The following RAB11FIP3 variants were observed in gnomAD, a reference collection of about 807,000 sequenced individuals.
The protein encoded by RAB11FIP3 is RAB11 family interacting protein 3, also known as rab11 family-interacting protein 3.
In RAB11FIP3, 17 loss-of-function variants were observed where a neutral mutation model predicts 77.8. The observed-to-expected ratio is 0.22, with a 90% confidence interval of 0.15 to 0.33. The LOEUF (loss-of-function observed/expected upper bound fraction) is 0.33. RAB11FIP3 is among the 10% of genes least tolerant of loss of function. RAB11FIP3 has a pLI of 1.00. For synonymous variants in RAB11FIP3, 437 were observed against 448.2 expected, an observed-to-expected ratio of 0.98 and a Z score of 0.31; for missense variants, 1,005 against 1,011.2, an observed-to-expected ratio of 0.99 and a Z score of 0.08.
Position 471,218 on chromosome 16 carries a change from G to A in RAB11FIP3, c.809-77G>A. ...TGTCCCTGGGGGCCTCCTTCCCAGG[G>A]AGTCCCGAGGCCGCCAGGGGTCCCG... On this transcript the variant is annotated intron_variant, in intron 2 of 13. Coordinates refer to ENST00000262305, the MANE Select transcript of RAB11FIP3 (RefSeq NM_014700.4). This position sits in a 1 kb window ranked among gnomAD's most constrained non-coding sequence, Gnocchi z 4.4. 4.7e-6 allele frequency: 6 copies of A among 1,283,254 alleles called. No homozygotes were observed. The highest frequency in any genetic ancestry group is 6.7e-6 in the Non-Finnish European group (6 of 894,596). The allele number at this position is 1,283,254 out of a possible 1,614,324, so 79.5% of individuals were successfully genotyped here.
intron 1 of RAB11FIP3, among the ~76,000 whole-genome samples, chr16:456,286 C>A (rs2055501896): frequency 6.6e-6 from 1 of 151,522 alleles, no homozygotes. Flanking sequence ...ATTGTCTCTA[C>A]CAAAAATACA....
chr16:441,185 A>G (rs1223311447), intron 1 of RAB11FIP3, among the ~76,000 whole-genome samples: 3 of 151,778 alleles, frequency 2.0e-5, no homozygotes, highest in Admixed American at 1.3e-4. Flanking sequence ...CAGGTGATCC[A>G]CCTGCCTCAG....
Position 507,661 on chromosome 16 carries a change from C to T in RAB11FIP3, c.1499+2034C>T, listed in dbSNP as rs944253582. On this transcript the variant is annotated intron_variant, in intron 8 of 13. Coordinates refer to ENST00000262305, the MANE Select transcript of RAB11FIP3 (RefSeq NM_014700.4). The surrounding 1 kb of genome is among the most constrained non-coding windows in gnomAD (Gnocchi z 4.6). ...CTGCCGCCTGGCACCACCCACTGAC[C>T]GTCTGCAGTGCAGCCCCGGCCACAT... 2.6e-5 allele frequency among the ~76,000 whole-genome samples: 4 copies of T among 152,240 alleles called. No homozygotes were observed. Among genetic ancestry groups the T allele is most frequent in the African/African-American group, 7.2e-5 (3 of 41,464 alleles).
chr16:477,577 C>T, intron 3 of RAB11FIP3: 1 of 979,156 alleles, frequency 1.0e-6, no homozygotes, highest in Non-Finnish European at 1.2e-6. Context: ...TGGCGTCCCG[C>T]AGGCCCAGCA....
chr16:467,445 A>C (rs1411586613), intron 2 of RAB11FIP3, among the ~76,000 whole-genome samples: 3 of 143,880 alleles, frequency 2.1e-5, no homozygotes, highest in African/African-American at 5.3e-5. Context: ...GACGTCAGGG[A>C]GGAGGTGCAG....
At chr16:469,783 C>T (rs2055777342) in intron 2 of RAB11FIP3, among the ~76,000 whole-genome samples, 1 of 152,196 alleles carries the variant, frequency 6.6e-6, no homozygotes, top group South Asian at 2.1e-4. Flanking sequence ...TGTCAGTCTT[C>T]CAAAGTGCTG....
At chr16:481,627 A>G (rs2056045563) in intron 3 of RAB11FIP3, among the ~76,000 whole-genome samples, 2 of 63,546 alleles carry the variant, frequency 3.1e-5, no homozygotes, top group Non-Finnish European at 3.1e-5. Context: ...TCTCTTGAGT[A>G]GCTGGGACCT....
Position 499,503 on chromosome 16 carries a change from A to G in RAB11FIP3, c.1301+2644A>G, listed in dbSNP as rs1004041730. On this transcript the variant is annotated intron_variant, in intron 6 of 13. Transcript: ENST00000262305. ...TTCACGGGTACCCTTTGGCATAAAA[A>G]AAGCCCAATCTGAGCCGGACGCAGT... Among the ~76,000 whole-genome samples, 73 of 152,176 alleles carry G rather than the reference A, an allele frequency of 4.8e-4. 1 individual carries two copies. The highest frequency in any genetic ancestry group is 1.6e-3 in the African/African-American group (67 of 41,436).
At chr16:429,378 C>T (rs2141836002) in intron 1 of RAB11FIP3, among the ~76,000 whole-genome samples, 1 of 152,122 alleles carries the variant, frequency 6.6e-6, no homozygotes, top group East Asian at 1.9e-4. Context: ...AACTGGATAA[C>T]AGCAATAAAG....
In RAB11FIP3 at chr16:497,491, G is replaced by A. The variant is rs558300586; in HGVS notation, c.1301+632G>A. 350 of 1,190,862 alleles carry A rather than the reference G, an allele frequency of 2.9e-4. 3 individuals carry two copies. In the South Asian group the frequency reaches 3.4e-3, roughly 11 times the overall value. The allele number at this position is 1,190,862 out of a possible 1,614,324, so 73.8% of individuals were successfully genotyped here. A position where few individuals can be genotyped will look rare whatever the true frequency, so the allele number is the denominator to read the frequency against. On this transcript the variant is annotated intron_variant, in intron 6 of 13. Transcript: ENST00000262305. Reference sequence around the variant, plus strand: ...TATCTGCTTTGCCTTCCTAGTCCCCGTCCTGCTTCGTGGCCCGGCATCTGG... The same window carrying A: ...TATCTGCTTTGCCTTCCTAGTCCCCATCCTGCTTCGTGGCCCGGCATCTGG...
Position 519,021 on chromosome 16 carries a change from G to A in RAB11FIP3, c.1719G>A (p.Glu573=), listed in dbSNP as rs1214533743. The A allele has an allele frequency of 6.2e-7, 1 of 1,613,128 alleles. No individual in the cohort carries two copies. Among genetic ancestry groups the A allele is most frequent in the African/African-American group, 1.3e-5 (1 of 74,938 alleles). The stretch of plus-strand genomic sequence containing the variant: ...TGAAGGCCAACATTGAGCGTCTGGA[G>A]GAGGTGAGCTGCCAACAGCCTGGAG... ...PCLKANIERL[E]EEKQKLLDEI... The change falls in exon 10 of 14, where the codon GAG becomes GAA. Residue 573 remains glutamate, a synonymous_variant. Coordinates refer to ENST00000262305, the MANE Select transcript of RAB11FIP3 (RefSeq NM_014700.4).
chr16:513,724 A>G (rs556684136), intron 9 of RAB11FIP3, among the ~76,000 whole-genome samples: 2 of 152,220 alleles, frequency 1.3e-5, no homozygotes, highest in Non-Finnish European at 2.9e-5. Context: ...GCCTTATCTA[A>G]GAAGAGCTCC....
intron 3 of RAB11FIP3, chr16:477,618 GC>G: frequency 1.0e-6 from 1 of 985,456 alleles, no homozygotes. Context: ...TGGGCCCTGG[GC>G]CCTGCCGTCC....
chr16:476,368 C>A (rs545395967), intron 3 of RAB11FIP3, among the ~76,000 whole-genome samples: 1 of 152,200 alleles, frequency 6.6e-6, no homozygotes, highest in Non-Finnish European at 1.5e-5. Context: ...GCGGCACTGG[C>A]TTTTGCCTGC....
At chr16:478,069 G>T (rs565449931) in intron 3 of RAB11FIP3, among the ~76,000 whole-genome samples, 1 of 152,188 alleles carries the variant, frequency 6.6e-6, no homozygotes, top group Non-Finnish European at 1.5e-5. Flanking sequence ...GCGGCCTCCC[G>T]CAAGTGCGCC....
intron 4 of RAB11FIP3, among the ~76,000 whole-genome samples, chr16:487,135 T>TC (rs2056170938): frequency 6.7e-6 from 1 of 149,946 alleles, no homozygotes; most frequent in African/African-American, 2.4e-5. Flanking sequence ...TGGTTTCTTT[T>TC]TTTTTTTTTT....
Position 505,040 on chromosome 16 carries a change from C to A in RAB11FIP3, c.1396-484C>A, listed in dbSNP as rs1190407796. On this transcript the variant is annotated intron_variant, in intron 7 of 13. Transcript: ENST00000262305. The surrounding 1 kb of genome is among the most constrained non-coding windows in gnomAD (Gnocchi z 4.0). Reference sequence around the variant, plus strand: ...AGCATCTCAAGTCTGCTGACCCAGGCCAAGTCCTCCTCTGCTCCCTTCACT... The same window carrying A: ...AGCATCTCAAGTCTGCTGACCCAGGACAAGTCCTCCTCTGCTCCCTTCACT... 6.7e-6 allele frequency among the ~76,000 whole-genome samples: 1 copy of A among 149,156 alleles called. No homozygotes were observed. Among genetic ancestry groups the A allele is most frequent in the Admixed American group, 6.7e-5 (1 of 14,852 alleles).
At chr16:427,229 C>T (rs1293839752) in intron 1 of RAB11FIP3, among the ~76,000 whole-genome samples, 1 of 152,236 alleles carries the variant, frequency 6.6e-6, no homozygotes. Context: ...GTGTGGTTGA[C>T]ATCTTTTCTA....
At chr16:447,510 G>A (rs538532807) in intron 1 of RAB11FIP3, among the ~76,000 whole-genome samples, 2 of 152,122 alleles carry the variant, frequency 1.3e-5, no homozygotes, top group Non-Finnish European at 2.9e-5. Context: ...AGGCCGAGGC[G>A]GTGGATCACG....
Sources: allele counts gnomAD v4.1 joint callset (sites outside exome capture counted in the v4.1 genomes callset), GRCh38; gene constraint gnomAD v4.1.1; non-coding constraint Gnocchi (gnomAD v3.1); transcripts MANE v1.5; gene names NCBI Gene and HGNC (gene_info 2026-07-23, HGNC 2026-07-21).